PINX1: variants seen among roughly 807,000 people sequenced by gnomAD.
PINX1 encodes the protein PIN2 (TERF1) interacting telomerase inhibitor 1.
PINX1 carries 34 observed loss-of-function variants against 25.4 expected under a neutral mutation model. That is an observed-to-expected ratio of 1.34 (90% CI 1.02 to 1.78). The LOEUF is 1.78. Among genes scored for constraint, PINX1 ranks in the 40% most tolerant of loss-of-function variants. The probability of loss-of-function intolerance (pLI) is 0.00; values close to 1 mark genes in which losing one functional copy is unlikely to be tolerated. For synonymous variants in PINX1, 197 were observed against 147.7 expected, an observed-to-expected ratio of 1.33 and a Z score of -2.42; for missense variants, 592 against 404.9, an observed-to-expected ratio of 1.46 and a Z score of -3.97.
intron 1 of PINX1, among the ~76,000 whole-genome samples, chr8:10,839,022 G>A (rs57707271): frequency 6.6e-6 from 1 of 152,294 alleles, no homozygotes; most frequent in African/African-American, 2.4e-5. Flanking sequence ...TCGCCAAGCA[G>A]GACCCGCTTT....
At chr8:10,778,957 A>G (rs903585347) in intron 6 of PINX1, among the ~76,000 whole-genome samples, 2 of 152,238 alleles carry the variant, frequency 1.3e-5, no homozygotes, top group Non-Finnish European at 2.9e-5. Flanking sequence ...TATGGACGCT[A>G]GCTTGCAGAG....
intron 6 of PINX1, 115 bp downstream of exon 6, chr8:10,820,078 A>T (rs1315973708): frequency 1.4e-6 from 1 of 713,320 alleles, no homozygotes; most frequent in Admixed American, 2.1e-5. Context: ...AAGCCTCCAA[A>T]GTGTTTTGGA....
At chr8:10,768,154 A>G (rs1019860133) in intron 6 of PINX1, among the ~76,000 whole-genome samples, 1 of 151,256 alleles carries the variant, frequency 6.6e-6, no homozygotes, top group African/African-American at 2.4e-5. Flanking sequence ...TCACAGCCAC[A>G]CAGAGACAGA....
At chr8:10,839,349 G>A (rs1261524730) in intron 1 of PINX1, among the ~76,000 whole-genome samples, 1 of 152,238 alleles carries the variant, frequency 6.6e-6, no homozygotes, top group Non-Finnish European at 1.5e-5. Context: ...AGTTTCAAGT[G>A]ATCCTTCTGC....
chr8:10,792,517 G>C (rs560825416), intron 6 of PINX1, among the ~76,000 whole-genome samples: 3 of 152,146 alleles, frequency 2.0e-5, no homozygotes, highest in African/African-American at 7.2e-5. Flanking sequence ...ACAGTCCATG[G>C]TTAAGAGCGC....
intron 6 of PINX1, among the ~76,000 whole-genome samples, chr8:10,802,368 C>T (rs1255885352): frequency 6.6e-6 from 1 of 152,140 alleles, no homozygotes; most frequent in Non-Finnish European, 1.5e-5. Flanking sequence ...AGCACTTCAC[C>T]CCACAGACAA....
chr8:10,778,009 T>C (rs1170575130), intron 6 of PINX1, among the ~76,000 whole-genome samples: 2 of 152,224 alleles, frequency 1.3e-5, no homozygotes, highest in Non-Finnish European at 2.9e-5. Flanking sequence ...AGGGAGGCTA[T>C]GGGACACTCC....
chr8:10,769,996 C>A (rs926766428), intron 6 of PINX1, among the ~76,000 whole-genome samples: 1 of 152,218 alleles, frequency 6.6e-6, no homozygotes, highest in Admixed American at 6.5e-5. Flanking sequence ...AAAACTACAT[C>A]ATTTTGGTTT....
intron 6 of PINX1, among the ~76,000 whole-genome samples, chr8:10,780,100 G>C (rs948016188): frequency 6.6e-6 from 1 of 152,136 alleles, no homozygotes; most frequent in African/African-American, 2.4e-5. Flanking sequence ...CATTCATTTA[G>C]TTCTAACAGT....
At chr8:10,776,154 G>A (rs906436304) in intron 6 of PINX1, among the ~76,000 whole-genome samples, 2 of 152,174 alleles carry the variant, frequency 1.3e-5, no homozygotes, top group African/African-American at 4.8e-5. Flanking sequence ...GGCTGGGGGC[G>A]CTGGCTCACA....
chr8:10,766,035 G>A (rs900383291), intron 6 of PINX1, 119 bp from the exon 7 acceptor site: 26 of 906,978 alleles, frequency 2.9e-5, no homozygotes, highest in African/African-American at 6.6e-5. Flanking sequence ...GCTCACACCC[G>A]GCACCCACAC....
intron 6 of PINX1, among the ~76,000 whole-genome samples, chr8:10,775,622 G>C (rs1801367690): frequency 6.6e-6 from 1 of 152,040 alleles, no homozygotes; most frequent in Non-Finnish European, 1.5e-5. Context: ...CTTGTCTATG[G>C]ACCATAATTT....
intron 6 of PINX1, among the ~76,000 whole-genome samples, chr8:10,778,326 T>C (rs1481964041): frequency 3.9e-5 from 6 of 152,128 alleles, no homozygotes; most frequent in Non-Finnish European, 5.9e-5. Flanking sequence ...ATAAATATGC[T>C]AAATTGATAT....
At chr8:10,783,455 T>A (rs1801655179) in intron 6 of PINX1, among the ~76,000 whole-genome samples, 1 of 152,168 alleles carries the variant, frequency 6.6e-6, no homozygotes, top group Non-Finnish European at 1.5e-5. Context: ...GCAGATATGG[T>A]CTTTTTTTCT....
intron 6 of PINX1, among the ~76,000 whole-genome samples, chr8:10,775,410 GTTTTTTTTT>G (rs143926728): frequency 9.1e-6 from 1 of 109,594 alleles, no homozygotes; most frequent in Non-Finnish European, 1.9e-5. Context: ...CTGTTTTGTG[GTTTTTTTTT>G]TTTTTTTTTT....
At chr8:10,808,075 T>A (rs1802512343) in intron 6 of PINX1, among the ~76,000 whole-genome samples, 1 of 152,206 alleles carries the variant, frequency 6.6e-6, no homozygotes, top group Non-Finnish European at 1.5e-5. Context: ...CAAAAATTGT[T>A]ACAGGAAATG....
chr8:10,776,423 C>CAATA (rs201127460), intron 6 of PINX1, among the ~76,000 whole-genome samples: 30,099 of 144,230 alleles, frequency 0.21, 3,245 homozygotes, highest in East Asian at 0.32. Flanking sequence ...AGACTCCGCT[C>CAATA]AATAAATAAA....
At position 10,826,158 on chromosome 8, in the gene PINX1, T is replaced by A; in HGVS notation, c.388A>T (p.Thr130Ser). Residue 130 changes from threonine to serine, a missense_variant, in exon 5 of 7, where the codon ACA becomes TCA. Coordinates refer to ENST00000314787, the MANE Select transcript of PINX1 (RefSeq NM_017884.6). Reference protein sequence around the residue: ...SKNRVHYMKFTKGKDLSSRSK... With the variant: ...SKNRVHYMKFSKGKDLSSRSK... ...AAGAAATGCTTAATCTTACCTTTTG[T>A]GAATTTCATATAGTGAACACGGTTT... 1 of 1,534,618 alleles carries A rather than the reference T, an allele frequency of 6.5e-7. No homozygotes were observed. Among genetic ancestry groups the A allele is most frequent in the Non-Finnish European group, 9.0e-7 (1 of 1,116,104 alleles).
intron 5 of PINX1, among the ~76,000 whole-genome samples, chr8:10,824,333 C>T (rs1179366148): frequency 2.0e-5 from 3 of 152,154 alleles, no homozygotes; most frequent in African/African-American, 7.2e-5. Flanking sequence ...AGCTGATAAA[C>T]CATTCTTTTC....
Sources: allele counts gnomAD v4.1 joint callset (sites outside exome capture counted in the v4.1 genomes callset), GRCh38; gene constraint gnomAD v4.1.1; transcripts MANE v1.5; gene names NCBI Gene and HGNC (gene_info 2026-07-23, HGNC 2026-07-21).